The following PID1 variants were observed in gnomAD, a reference collection of about 807,000 sequenced individuals.
The protein encoded by PID1 is PTB-containing, cubilin and LRP1-interacting protein.
PID1 carries 10 observed loss-of-function variants against 19.1 expected under a neutral mutation model. The ratio of observed to expected loss-of-function variants is 0.52; its 90% CI spans 0.32 to 0.89. The LOEUF (loss-of-function observed/expected upper bound fraction) is 0.89. PID1 is among the 40% of genes least tolerant of loss of function. PID1 has a pLI of 0.03. For synonymous variants in PID1, 130 were observed against 116.0 expected, an observed-to-expected ratio of 1.12 and a Z score of -0.78; for missense variants, 248 against 285.3, an observed-to-expected ratio of 0.87 and a Z score of 0.94.
chr2:229,100,485 C>T (rs1695054027), intron 2 of PID1, among the ~76,000 whole-genome samples: 1 of 152,074 alleles, frequency 6.6e-6, no homozygotes, highest in Non-Finnish European at 1.5e-5. Flanking sequence ...GGGCTTCTTA[C>T]CTAGAACAAT....
chr2:229,129,032 C>T (rs1689653510), intron 2 of PID1, among the ~76,000 whole-genome samples: 1 of 152,042 alleles, frequency 6.6e-6, no homozygotes, highest in Non-Finnish European at 1.5e-5. Context: ...TATATACCCA[C>T]AAAAATTTAA....
intron 2 of PID1, among the ~76,000 whole-genome samples, chr2:229,064,139 C>T (rs1376761131): frequency 1.3e-5 from 2 of 152,202 alleles, no homozygotes; most frequent in African/African-American, 4.8e-5. Context: ...ATGCACAGAT[C>T]TTTTATTTTC....
At chr2:229,116,213 C>T (rs112672363) in intron 2 of PID1, among the ~76,000 whole-genome samples, 2 of 152,046 alleles carry the variant, frequency 1.3e-5, no homozygotes, top group African/African-American at 2.4e-5. Context: ...GGTGACAGAG[C>T]GAGACTCTGT....
chr2:229,106,535 G>A (rs891840376), intron 2 of PID1, among the ~76,000 whole-genome samples: 1 of 152,194 alleles, frequency 6.6e-6, no homozygotes, highest in Non-Finnish European at 1.5e-5. Context: ...TAGGTCATGA[G>A]AGTGGGACCC....
At chr2:229,048,624 G>A (rs944890994) in intron 2 of PID1, among the ~76,000 whole-genome samples, 2 of 152,210 alleles carry the variant, frequency 1.3e-5, no homozygotes, top group African/African-American at 2.4e-5. Flanking sequence ...CATGTAGGCT[G>A]CAGCTCTGGT....
chr2:229,026,883 C>T (rs1179098084), intron 2 of PID1, among the ~76,000 whole-genome samples: 3 of 152,046 alleles, frequency 2.0e-5, no homozygotes, highest in South Asian at 2.1e-4. Flanking sequence ...TTTTTAAAAG[C>T]GTGTTTATAA....
intron 1 of PID1, among the ~76,000 whole-genome samples, chr2:229,179,392 A>T (rs2106217079): frequency 6.6e-6 from 1 of 152,292 alleles, no homozygotes; most frequent in South Asian, 2.1e-4. Flanking sequence ...TCCTAATCTT[A>T]TACCACATTA....
At chr2:229,188,555 T>A (rs780874947) in intron 1 of PID1, among the ~76,000 whole-genome samples, 5 of 151,992 alleles carry the variant, frequency 3.3e-5, no homozygotes, top group Non-Finnish European at 5.9e-5. Flanking sequence ...CTGGCCAACA[T>A]AGTGAAACCC....
chr2:229,249,493 T>G (rs915278856), intron 1 of PID1, among the ~76,000 whole-genome samples: 5 of 152,244 alleles, frequency 3.3e-5, no homozygotes, highest in African/African-American at 1.2e-4. Flanking sequence ...GCTTGTATGG[T>G]GTTGCCGGCC....
chr2:229,196,915 A>G (rs1321857219), intron 1 of PID1, among the ~76,000 whole-genome samples: 1 of 152,112 alleles, frequency 6.6e-6, no homozygotes, highest in African/African-American at 2.4e-5. Flanking sequence ...GTAAGTAAGT[A>G]GCATTGATAC....
intron 1 of PID1, among the ~76,000 whole-genome samples, chr2:229,214,545 G>A (rs948335441): frequency 4.6e-5 from 7 of 152,036 alleles, no homozygotes; most frequent in African/African-American, 1.7e-4. Flanking sequence ...GGAAGATTAG[G>A]ACATTATTAG....
intron 1 of PID1, among the ~76,000 whole-genome samples, chr2:229,219,640 C>T (rs948866421): frequency 6.6e-6 from 1 of 152,016 alleles, no homozygotes; most frequent in Non-Finnish European, 1.5e-5. Context: ...CTCAAGTGAT[C>T]CTCCCACCTC....
intron 1 of PID1, among the ~76,000 whole-genome samples, chr2:229,222,941 C>A (rs1018078759): frequency 6.6e-6 from 1 of 151,936 alleles, no homozygotes; most frequent in Non-Finnish European, 1.5e-5. Context: ...AACCCTAATA[C>A]ACAGAACCAT....
At chr2:229,241,730 A>G (rs995673844) in intron 1 of PID1, among the ~76,000 whole-genome samples, 2 of 152,164 alleles carry the variant, frequency 1.3e-5, no homozygotes, top group Non-Finnish European at 2.9e-5. Context: ...CCAAATAAGA[A>G]GCAAAGCACC....
At chr2:229,221,679 T>G (rs2106258896) in intron 1 of PID1, among the ~76,000 whole-genome samples, 4 of 152,272 alleles carry the variant, frequency 2.6e-5, no homozygotes, top group Admixed American at 2.6e-4. Context: ...CATGCTCAAG[T>G]TCCACCACCA....
chr2:229,271,002 G>A lies in PID1; in HGVS notation c.30+12C>T, dbSNP rs774947535. 2.6e-6 allele frequency: 4 copies of A among 1,540,232 alleles called. No homozygotes were observed. The highest frequency in any genetic ancestry group is 3.5e-6 in the Non-Finnish European group (4 of 1,142,110). ...CCTCCAGGCTGGCCCCCGGCTCCCG[G>A]GTGCCCCTTACCTGCAGGCGCTCCG... On this transcript the variant is annotated intron_variant, in intron 1 of 2. Transcript: ENST00000392055.
intron 2 of PID1, among the ~76,000 whole-genome samples, chr2:229,059,972 A>G (rs912952044): frequency 6.6e-6 from 1 of 152,022 alleles, no homozygotes; most frequent in Admixed American, 6.6e-5. Context: ...CCACCAGTTG[A>G]CTTTTATTTA....
intron 2 of PID1, among the ~76,000 whole-genome samples, chr2:229,058,405 C>T: frequency 6.6e-6 from 1 of 152,136 alleles, no homozygotes; most frequent in Admixed American, 6.5e-5. Context: ...AGAGAAGGTA[C>T]TCTGCAGCAT....
intron 1 of PID1, among the ~76,000 whole-genome samples, chr2:229,190,279 G>A (rs1691228270): frequency 6.6e-6 from 1 of 152,220 alleles, no homozygotes; most frequent in South Asian, 2.1e-4. Context: ...AAATTGTGGA[G>A]ATGGCATAAG....
Sources: gnomAD v4.1 joint callset for allele counts (sites outside exome capture counted in the v4.1 genomes callset) on GRCh38, gnomAD v4.1.1 for gene constraint, MANE v1.5 for transcripts, NCBI Gene and HGNC (gene_info 2026-07-23, HGNC 2026-07-21) for gene names.